The following TRAPPC9 variants were observed in gnomAD, a reference collection of about 807,000 sequenced individuals.
TRAPPC9 encodes trafficking protein particle complex subunit 9, also known as IKK2 binding protein.
TRAPPC9 carries 83 observed loss-of-function variants against 124.0 expected under a neutral mutation model. The observed-to-expected ratio is 0.67, with a 90% CI of 0.56 to 0.80. TRAPPC9 has a LOEUF of 0.80. Ranked by LOEUF, TRAPPC9 falls within the 30% of genes least tolerant of loss-of-function variation. The pLI, the probability that TRAPPC9 is intolerant of heterozygous loss-of-function variation, is 0.00. For missense variants in TRAPPC9, 1,302 were observed against 1,508.3 expected (o/e 0.86, Z 2.27); for synonymous variants, 638 against 617.5 (o/e 1.03, Z -0.49).
intron 16 of TRAPPC9, among the ~76,000 whole-genome samples, chr8:140,231,050 G>A (rs1235080156): frequency 2.0e-5 from 3 of 152,226 alleles, no homozygotes; most frequent in Non-Finnish European, 4.4e-5. Context: ...GGGGCAGGAA[G>A]CCTGCATTTA....
intron 12 of TRAPPC9, among the ~76,000 whole-genome samples, chr8:140,288,944 G>A (rs971262998): frequency 6.6e-6 from 1 of 152,174 alleles, no homozygotes; most frequent in Admixed American, 6.5e-5. Context: ...AACTATCTCA[G>A]ATATGACAGG....
At chr8:140,122,023 TTCTCTCTC>T (rs533446141) in intron 17 of TRAPPC9, among the ~76,000 whole-genome samples, 4 of 138,536 alleles carry the variant, frequency 2.9e-5, no homozygotes, top group East Asian at 4.3e-4. Flanking sequence ...CTTTCTTTCT[TTCTCTCTC>T]TCTCTCTCTC....
At chr8:140,128,784 G>A (rs562834672) in intron 17 of TRAPPC9, among the ~76,000 whole-genome samples, 3 of 152,118 alleles carry the variant, frequency 2.0e-5, no homozygotes, top group Admixed American at 6.5e-5. Context: ...TAGCCATTCT[G>A]CCTCAGTTAC....
rs13257015 is a variant in TRAPPC9 at position 140,438,753 on chromosome 8, T to C, written c.730+299A>G. Among the ~76,000 whole-genome samples, 122,724 of 152,096 alleles carry C rather than the reference T, an allele frequency of 0.81. 50,409 individuals are homozygous for C. Among genetic ancestry groups the C allele is most frequent in the East Asian group, 1 (5,143 of 5,168 alleles). On this transcript the variant is annotated intron_variant, in intron 3 of 22. Coordinates refer to ENST00000438773, the MANE Select transcript of TRAPPC9 (RefSeq NM_001160372.4). ...CTGTTGCCAGGCTGGAGTGCAGTTG[T>C]GCAACCTCTGCTCACTGCAACTTCT...
At chr8:140,410,262 G>C (rs540349948) in intron 5 of TRAPPC9, among the ~76,000 whole-genome samples, 1 of 151,792 alleles carries the variant, frequency 6.6e-6, no homozygotes, top group African/African-American at 2.4e-5. Context: ...TTGACCAGGC[G>C]CAATGGCTCA....
intron 19 of TRAPPC9, among the ~76,000 whole-genome samples, chr8:139,924,517 G>A (rs538857867): frequency 2.6e-5 from 4 of 152,334 alleles, no homozygotes; most frequent in South Asian, 2.1e-4. Context: ...CCTGGGAACC[G>A]TCAACGCACC....
chr8:139,757,828 C>T (rs1819957505), intron 21 of TRAPPC9, among the ~76,000 whole-genome samples: 2 of 152,150 alleles, frequency 1.3e-5, no homozygotes, highest in African/African-American at 2.4e-5. Context: ...GTCGGCACTG[C>T]TGGCGGGCTC....
chr8:140,054,585 T>C (rs1842194435), intron 17 of TRAPPC9, among the ~76,000 whole-genome samples: 1 of 151,848 alleles, frequency 6.6e-6, no homozygotes, highest in South Asian at 2.1e-4. Context: ...AAATAGAGAA[T>C]ACAAAAATGA....
intron 17 of TRAPPC9, among the ~76,000 whole-genome samples, chr8:140,030,589 A>G (rs1472472721): frequency 6.6e-6 from 1 of 152,234 alleles, no homozygotes; most frequent in African/African-American, 2.4e-5. Context: ...ATAATACCAA[A>G]CTGGAAACAA....
chr8:139,813,177 G>A (rs1341867914), intron 21 of TRAPPC9, among the ~76,000 whole-genome samples: 1 of 152,232 alleles, frequency 6.6e-6, no homozygotes, highest in South Asian at 2.1e-4. Context: ...AGAACATAAA[G>A]AGGAGGCAAA....
chr8:140,291,834 G>C (rs547447166), intron 11 of TRAPPC9, among the ~76,000 whole-genome samples: 1 of 152,354 alleles, frequency 6.6e-6, no homozygotes, highest in South Asian at 2.1e-4. Flanking sequence ...CCTAAGAGCA[G>C]CCTCTGGGAG....
intron 17 of TRAPPC9, among the ~76,000 whole-genome samples, chr8:140,142,903 T>C (rs1232548249): frequency 1.3e-5 from 2 of 152,206 alleles, no homozygotes; most frequent in East Asian, 1.9e-4. Flanking sequence ...CACCTGGTAG[T>C]GTCCAACTTG....
In TRAPPC9 at chr8:140,023,873, G is replaced by T. The variant is rs145250811; in HGVS notation, c.2699+64C>A. 1.1e-5 allele frequency: 17 copies of T among 1,610,908 alleles called. No individual in the cohort carries two copies. In the East Asian group the frequency reaches 3.3e-4, roughly 32 times the overall value. On this transcript the variant is annotated intron_variant, in intron 18 of 22. Transcript: ENST00000438773. ...CATGACAAAAACACACTGAGGTCAG[G>T]ATTCTGAACGTAGTGCTGTTGAGAC...
At chr8:140,425,392 C>T (rs1238802133) in intron 5 of TRAPPC9, among the ~76,000 whole-genome samples, 1 of 152,220 alleles carries the variant, frequency 6.6e-6, no homozygotes, top group Non-Finnish European at 1.5e-5. Flanking sequence ...TTCACCTCTA[C>T]AGCAGAACCT....
intron 16 of TRAPPC9, among the ~76,000 whole-genome samples, chr8:140,229,092 G>T (rs138369695): frequency 1.2e-4 from 18 of 151,970 alleles, no homozygotes; most frequent in Non-Finnish European, 2.2e-4. Flanking sequence ...CCACCAACAC[G>T]TTCTCACTAG....
chr8:140,350,184 A>G (rs2067511655), intron 9 of TRAPPC9, among the ~76,000 whole-genome samples: 2 of 152,236 alleles, frequency 1.3e-5, no homozygotes. Context: ...TGCTCTGAAA[A>G]TAACATTTTC....
chr8:140,087,878 T>C lies in TRAPPC9; in HGVS notation c.2557-63799A>G, dbSNP rs373907121. ...CAGCCCCAGAAAAACCCACCATCAC[T>C]GACAAGGTCCTGGAGAGCAGGCTTC... On this transcript the variant is annotated intron_variant, in intron 17 of 22. Transcript: ENST00000438773. This position sits in a 1 kb window ranked among gnomAD's most constrained non-coding sequence, Gnocchi z 4.6. Among the ~76,000 whole-genome samples, 5 of 152,046 alleles carry C rather than the reference T, an allele frequency of 3.3e-5. No homozygotes were observed. Among genetic ancestry groups the C allele is most frequent in the Non-Finnish European group, 5.9e-5 (4 of 68,010 alleles).
intron 19 of TRAPPC9, chr8:139,933,601 C>T (rs1305315283): frequency 6.6e-6 from 1 of 152,320 alleles, no homozygotes; most frequent in African/African-American, 2.4e-5. Flanking sequence ...CTCTGCACCG[C>T]GTGGCCCGGT....
At chr8:140,140,082 G>A (rs1478323650) in intron 17 of TRAPPC9, among the ~76,000 whole-genome samples, 1 of 152,198 alleles carries the variant, frequency 6.6e-6, no homozygotes, top group Non-Finnish European at 1.5e-5. Context: ...GCAAACAGCT[G>A]TGTGTCCCAC....
Sources: gnomAD v4.1 joint callset for allele counts (sites outside exome capture counted in the v4.1 genomes callset) on GRCh38, gnomAD v4.1.1 for gene constraint, Gnocchi (gnomAD v3.1) non-coding constraint, MANE v1.5 for transcripts, NCBI Gene and HGNC (gene_info 2026-07-23, HGNC 2026-07-21) for gene names.